The following RASGRP3 variants were observed in gnomAD, a reference collection of about 807,000 sequenced individuals.
RASGRP3 encodes RAS guanyl releasing protein 3, also known as ras guanyl-releasing protein 3.
A neutral mutation model predicts 82.7 loss-of-function variants in RASGRP3; 54 were observed. That is an observed-to-expected ratio of 0.65 (90% CI 0.52 to 0.82). The LOEUF (loss-of-function observed/expected upper bound fraction) is 0.82, where lower values mean the gene tolerates loss of function less well. RASGRP3 is among the 40% of genes least tolerant of loss of function. The pLI is 0.00. For missense variants in RASGRP3, 861 were observed against 828.9 expected, an observed-to-expected ratio of 1.04 and a Z score of -0.48; for synonymous variants, 309 against 300.5, an observed-to-expected ratio of 1.03 and a Z score of -0.29.
rs114046450 is a variant in RASGRP3, at chr2:33,523,116, G to A, written c.517-763G>A. 7.3e-4 allele frequency among the ~76,000 whole-genome samples: 111 copies of A among 151,738 alleles called. 1 individual carries two copies. Among genetic ancestry groups the A allele is most frequent in the African/African-American group, 2.4e-3 (101 of 41,356 alleles). Reference sequence around the variant, plus strand: ...TAATTATATTTACGTTCATTTCCTCGTCTTTATTGTATACCGTTATATCTT... The same window carrying A: ...TAATTATATTTACGTTCATTTCCTCATCTTTATTGTATACCGTTATATCTT... On this transcript the variant is annotated intron_variant, in intron 7 of 17. Coordinates refer to ENST00000403687, the MANE Select transcript of RASGRP3 (RefSeq NM_001139488.2).
intron 2 of RASGRP3, among the ~76,000 whole-genome samples, chr2:33,460,427 A>G (rs1666295758): frequency 6.6e-6 from 1 of 152,156 alleles, no homozygotes; most frequent in Admixed American, 6.5e-5. Flanking sequence ...ATGAGAATGG[A>G]TAGGAAAGAG....
At chr2:33,500,206 A>G (rs1669735028) in intron 1 of RASGRP3, among the ~76,000 whole-genome samples, 1 of 152,046 alleles carries the variant, frequency 6.6e-6, no homozygotes, top group Non-Finnish European at 1.5e-5. Flanking sequence ...AAAAGGAGGG[A>G]GGGAATGCAG....
chr2:33,521,853 T>G, intron 6 of RASGRP3, 102 bp from the exon 7 acceptor site: 1 of 1,393,972 alleles, frequency 7.2e-7, no homozygotes, highest in East Asian at 2.3e-5. Flanking sequence ...TTTGCACAAG[T>G]CCCTGGAAGC....
chr2:33,496,653 C>G (rs1454497522), intron 1 of RASGRP3, among the ~76,000 whole-genome samples: 4 of 152,214 alleles, frequency 2.6e-5, no homozygotes, highest in South Asian at 2.1e-4. Context: ...GTTAGGAGTT[C>G]AAGACCAGCC....
At position 33,505,153 on chromosome 2, in the gene RASGRP3, T is replaced by C. The variant is rs200846124; in HGVS notation, c.-260-6557T>C. Among the ~76,000 whole-genome samples, 362 of 150,040 alleles carry C rather than the reference T, an allele frequency of 2.4e-3. 1 individual carries two copies. The highest frequency in any genetic ancestry group is 4.1e-3 in the Admixed American group (62 of 15,118). Reference sequence around the variant, plus strand: ...ATCATCACCATCATCATCATCATCATCACCACCACCACCACCACCACCACC... The same window carrying C: ...ATCATCACCATCATCATCATCATCACCACCACCACCACCACCACCACCACC... On this transcript the variant is annotated intron_variant, in intron 1 of 17. Coordinates refer to ENST00000403687, the MANE Select transcript of RASGRP3 (RefSeq NM_001139488.2).
chr2:33,495,232 C>T (rs1057345043), intron 1 of RASGRP3, among the ~76,000 whole-genome samples: 1 of 152,146 alleles, frequency 6.6e-6, no homozygotes, highest in South Asian at 2.1e-4. Flanking sequence ...GGACAGATTT[C>T]GTGGAAGACT....
chr2:33,558,481 C>A, intron 16 of RASGRP3, 145 bp downstream of exon 16: 1 of 1,317,566 alleles, frequency 7.6e-7, no homozygotes, highest in Admixed American at 2.5e-5. Context: ...TAGCTAAACC[C>A]TTGAATCATC....
At chr2:33,509,436 C>T (rs1430165012) in intron 1 of RASGRP3, among the ~76,000 whole-genome samples, 1 of 152,106 alleles carries the variant, frequency 6.6e-6, no homozygotes, top group Non-Finnish European at 1.5e-5. Context: ...TGCCATTCTC[C>T]TTTCAAACAA....
intron 2 of RASGRP3, among the ~76,000 whole-genome samples, chr2:33,452,705 T>C (rs1393062104): frequency 6.6e-6 from 1 of 152,196 alleles, no homozygotes; most frequent in East Asian, 1.9e-4. Context: ...GGGACTTGCC[T>C]AAAGCCTGTG....
intron 1 of RASGRP3, among the ~76,000 whole-genome samples, chr2:33,490,589 C>T (rs551255888): frequency 1.3e-5 from 2 of 152,344 alleles, no homozygotes; most frequent in East Asian, 3.9e-4. Flanking sequence ...GACAGGAGCT[C>T]CTCAAGATGC....
chr2:33,461,173 C>T (rs1666342855), intron 2 of RASGRP3, among the ~76,000 whole-genome samples: 2 of 152,214 alleles, frequency 1.3e-5, no homozygotes, highest in Non-Finnish European at 2.9e-5. Context: ...CTAAACTTAT[C>T]TATTACTTTT....
intron 1 of RASGRP3, among the ~76,000 whole-genome samples, chr2:33,496,059 G>T (rs1669279014): frequency 6.6e-6 from 1 of 152,178 alleles, no homozygotes; most frequent in Non-Finnish European, 1.5e-5. Flanking sequence ...TTGAAACTTT[G>T]TAAGAGCCAA....
chr2:33,460,447 A>G (rs1666296787), intron 2 of RASGRP3, among the ~76,000 whole-genome samples: 1 of 151,392 alleles, frequency 6.6e-6, no homozygotes, highest in African/African-American at 2.4e-5. Flanking sequence ...GGGTTATTAC[A>G]TTTTTCCTTA....
chr2:33,496,788 C>T (rs762566879), intron 1 of RASGRP3, among the ~76,000 whole-genome samples: 1 of 152,132 alleles, frequency 6.6e-6, no homozygotes, highest in Non-Finnish European at 1.5e-5. Flanking sequence ...ATCCAGGAGG[C>T]AGAGGTTGCA....
At chr2:33,440,392 A>G (rs1665161490) in intron 1 of RASGRP3, among the ~76,000 whole-genome samples, 1 of 152,242 alleles carries the variant, frequency 6.6e-6, no homozygotes, top group Non-Finnish European at 1.5e-5. Flanking sequence ...TGATCACATC[A>G]TTAATGAGAG....
At chr2:33,524,694 G>T in intron 9 of RASGRP3, 146 bp downstream of exon 9, 2 of 613,196 alleles carry the variant, frequency 3.3e-6, no homozygotes, top group Non-Finnish European at 5.6e-6. Context: ...AAAGTAGAAA[G>T]GGAATAACCA....
At chr2:33,456,164 A>C (rs1666024647) in intron 2 of RASGRP3, among the ~76,000 whole-genome samples, 1 of 152,174 alleles carries the variant, frequency 6.6e-6, no homozygotes. Context: ...AAAGAAGTTG[A>C]GTTGGGGAGA....
At chr2:33,495,865 C>T (rs950189021) in intron 1 of RASGRP3, among the ~76,000 whole-genome samples, 58 of 152,256 alleles carry the variant, frequency 3.8e-4, no homozygotes, top group African/African-American at 1.1e-3. Context: ...GGGAGACAGC[C>T]GAAGGTAGGA....
intron 10 of RASGRP3, among the ~76,000 whole-genome samples, chr2:33,529,624 A>G (rs1672920383): frequency 6.6e-6 from 1 of 152,114 alleles, no homozygotes; most frequent in Non-Finnish European, 1.5e-5. Context: ...GAAGCCATCA[A>G]GCACTGTATT....
Sources: gnomAD v4.1 joint callset for allele counts (sites outside exome capture counted in the v4.1 genomes callset) on GRCh38, gnomAD v4.1.1 for gene constraint, MANE v1.5 for transcripts, NCBI Gene and HGNC (gene_info 2026-07-23, HGNC 2026-07-21) for gene names.